The following BEST2 variants were observed in gnomAD, a reference collection of about 807,000 sequenced individuals.
BEST2 encodes the protein bestrophin-2a.
A neutral mutation model predicts 49.0 loss-of-function variants in BEST2; 36 were observed. The ratio of observed to expected loss-of-function variants is 0.73; its 90% confidence interval spans 0.56 to 0.97. BEST2 has a LOEUF of 0.97. BEST2 is among the 50% of genes least tolerant of loss of function. The pLI is 0.00. For missense variants in BEST2, 672 were observed against 710.0 expected, an observed-to-expected ratio of 0.95 and a Z score of 0.61; for synonymous variants, 335 against 304.4, an observed-to-expected ratio of 1.10 and a Z score of -1.05.
chr19:12,758,246 T>C lies in BEST2; in HGVS notation c.*169T>C. The stretch of plus-strand genomic sequence containing the variant: ...GCGCTGTGCTAGGGGCGGGAGTTCT[T>C]CCAGACTCTTGGACCAGCCCGCCCT... On this transcript the variant is annotated 3_prime_UTR_variant, in exon 10 of 10. Transcript: ENST00000553030. The C allele has an allele frequency of 1.2e-6, 1 of 855,674 alleles. No homozygotes were observed. The highest frequency in any genetic ancestry group is 2.7e-5 in the East Asian group (1 of 37,172). The allele number at this position is 855,674 out of a possible 1,614,324, so 53.0% of individuals were successfully genotyped here.
At chr19:12,751,884 G>A (rs971066364) in intron 1 of BEST2, 45 bp downstream of exon 1, 13 of 153,088 alleles carry the variant, frequency 8.5e-5, no homozygotes, top group African/African-American at 2.9e-4. Context: ...CCTGAGGGAA[G>A]AGGGAACCTG....
rs1208905171 is a variant in BEST2, at chr19:12,757,838, G to T, written c.1291G>T (p.Ala431Ser). 1.9e-6 allele frequency: 3 copies of T among 1,549,070 alleles called. No homozygotes were observed. The highest frequency in any genetic ancestry group is 1.7e-6 in the Non-Finnish European group (2 of 1,146,678). ...NSCVSEASTG[A>S]SCSCAVVPEG... is the part of the protein sequence containing the mutation. ...CTGCGTGTCGGAGGCGTCTACTGGGGCCAGCTGCTCATGCGCGGTTGTCCC... is the reference window on the plus strand; with the variant it reads ...CTGCGTGTCGGAGGCGTCTACTGGGTCCAGCTGCTCATGCGCGGTTGTCCC... Residue 431 changes from alanine (A) to serine (S), a missense_variant, in exon 10 of 10, where the codon GCC (alanine) becomes TCC (serine). Transcript: ENST00000553030.
rs1568353094 is a variant in BEST2, at chr19:12,755,840, T to C, written c.868-15T>C. ...GGTTCCCAAGTTTCCACCTAACTGC[T>C]CCCTCTCCTCTCAGGTAGCTGAGCA... On this transcript the variant is annotated splice_polypyrimidine_tract_variant and intron_variant, in intron 7 of 9. Coordinates refer to ENST00000553030, the MANE Select transcript of BEST2 (RefSeq NM_017682.3). The surrounding 1 kb of genome is among the most constrained non-coding windows in gnomAD (Gnocchi z 4.4). The C allele has an allele frequency of 6.2e-7, 1 of 1,614,034 alleles. No homozygotes were observed. The highest frequency in any genetic ancestry group is 1.1e-5 in the South Asian group (1 of 91,080).
rs1967965717 is a variant in BEST2, at chr19:12,757,940, C to G, written c.1393C>G (p.Pro465Ala). 1.3e-6 allele frequency: 2 copies of G among 1,585,664 alleles called. No individual in the cohort carries two copies. Among genetic ancestry groups the G allele is most frequent in the East Asian group, 4.6e-5 (2 of 43,926 alleles). The change falls in exon 10 of 10, where the codon CCT (proline) becomes GCT (alanine). Residue 465 changes from proline (P) to alanine (A), a missense_variant. By Grantham distance (27) the Pro-to-Ala change is conservative. Coordinates refer to ENST00000553030, the MANE Select transcript of BEST2 (RefSeq NM_017682.3). The part of the protein sequence containing the change: ...PGLPEPEAPP[P>A]AGPEPLTLIP... ...CCTGCCGGAGCCCGAGGCCCCGCCC[C>G]CTGCGGGTCCCGAACCGCTTACCCT...
chr19:12,755,366 T>C lies in BEST2; in HGVS notation c.637-13T>C. The stretch of plus-strand genomic sequence containing the variant: ...ACCATTCAGGCCTCCTCATGACCTG[T>C]ATCCACCCCCAGGAGCTGAATGTTT... On this transcript the variant is annotated splice_polypyrimidine_tract_variant and intron_variant, in intron 5 of 9. Transcript: ENST00000553030. This position sits in a 1 kb window ranked among gnomAD's most constrained non-coding sequence, Gnocchi z 4.4. The C allele has an allele frequency of 1.2e-6, 2 of 1,613,926 alleles. No homozygotes were observed. The highest frequency in any genetic ancestry group is 1.7e-6 in the Non-Finnish European group (2 of 1,179,814).
At chr19:12,756,678 T>C in intron 9 of BEST2, 1 of 217,696 alleles carries the variant, frequency 4.6e-6, no homozygotes, top group South Asian at 6.9e-5. Context: ...GAGACCCCCG[T>C]CTCTACTAAA....
rs1217582451 is a variant in BEST2 at position 12,754,690 on chromosome 19, T to TG, written c.387dup (p.Arg130AlafsTer43). 6.3e-7 allele frequency: 1 copy of TG among 1,583,118 alleles called. No homozygotes were observed. Among genetic ancestry groups the TG allele is most frequent in the Middle Eastern group, 1.7e-4 (1 of 5,940 alleles). On this transcript the variant is annotated frameshift_variant, in exon 4 of 10. Coordinates refer to ENST00000553030, the MANE Select transcript of BEST2 (RefSeq NM_017682.3). LOFTEE classifies it high-confidence loss of function. ...GGCCGCCTCTACCGGCGCACACTCA[T>TG]GCGCTACGCAGGGCTCTCGGCCGTG...
At chr19:12,756,454 G>T in intron 9 of BEST2, 159 bp downstream of exon 9, 1 of 1,054,498 alleles carries the variant, frequency 9.5e-7, no homozygotes, top group South Asian at 1.5e-5. Flanking sequence ...GGAGTCAGGG[G>T]ACAAGGTCAA....
At position 12,757,765 on chromosome 19, in the gene BEST2, G is replaced by A. The variant is rs928289660; in HGVS notation, c.1218G>A (p.Ala406=). 5.2e-6 allele frequency: 8 copies of A among 1,544,898 alleles called. No homozygotes were observed. The African/African-American group carries it at 9.6e-5, about 19-fold the overall frequency. Residue 406 remains alanine, a synonymous_variant, in exon 10 of 10, where the codon GCG becomes GCA. Coordinates refer to ENST00000553030, the MANE Select transcript of BEST2 (RefSeq NM_017682.3). ...RLLPAGAGMV[A]GGPLGRRLSF... ...TGCCGGCGGGCGCGGGCATGGTCGC[G>A]GGAGGCCCGCTGGGCCGGCGCCTGT...
At position 12,754,611 on chromosome 19, in the gene BEST2, C is replaced by T. The variant is rs1424155955; in HGVS notation, c.307C>T (p.Pro103Ser). The change falls in exon 4 of 10, where the codon CCC (proline) becomes TCC (serine). Residue 103 changes from proline to serine, a missense_variant. Pro to Ser is a moderately conservative substitution (Grantham distance 74). Transcript: ENST00000553030. The part of the protein sequence containing the change: ...WWSQYLCMPL[P>S]DALMCVVAGT... The stretch of plus-strand genomic sequence containing the variant: ...GAGCCAGTACCTATGCATGCCGCTG[C>T]CCGACGCGCTCATGTGCGTGGTGGC... The T allele has an allele frequency of 1.9e-6, 3 of 1,565,132 alleles. No individual in the cohort carries two copies. Among genetic ancestry groups the T allele is most frequent in the Non-Finnish European group, 2.6e-6 (3 of 1,151,676 alleles).
chr19:12,756,531 C>T, intron 9 of BEST2: 1 of 572,600 alleles, frequency 1.7e-6, no homozygotes, highest in East Asian at 3.1e-5. Context: ...TCAGACCGGT[C>T]AGTGGTGATT....
chr19:12,756,099 G>T (rs749503901), intron 8 of BEST2, 42 bp from the exon 9 acceptor site: 4 of 1,612,588 alleles, frequency 2.5e-6, no homozygotes, highest in Middle Eastern at 1.7e-4. Flanking sequence ...GTCCCGGCGG[G>T]TTGCCCTGCC....
intron 9 of BEST2, 28 bp downstream of exon 9, chr19:12,756,323 C>T (rs1312217060): frequency 6.2e-7 from 1 of 1,609,828 alleles, no homozygotes; most frequent in Non-Finnish European, 8.5e-7. Flanking sequence ...GCAGGGCCGC[C>T]TGGGGCAGGG....
Position 12,757,929 on chromosome 19 carries a change from A to C in BEST2, c.1382A>C (p.Glu461Ala). 2 of 1,572,762 alleles carry C rather than the reference A, an allele frequency of 1.3e-6. No homozygotes were observed. Among genetic ancestry groups the C allele is most frequent in the Non-Finnish European group, 1.7e-6 (2 of 1,161,178 alleles). Residue 461 changes from glutamate (E) to alanine (A), a missense_variant, in exon 10 of 10, where the codon GAG becomes GCG. Glu to Ala is a moderately radical substitution (Grantham distance 107, BLOSUM62 -1). Coordinates refer to ENST00000553030, the MANE Select transcript of BEST2 (RefSeq NM_017682.3). ...CTCGACCCCGGCCTGCCGGAGCCCG[A>C]GGCCCCGCCCCCTGCGGGTCCCGAA... ...PLLDPGLPEP[E>A]APPPAGPEPL...
At position 12,755,097 on chromosome 19, in the gene BEST2, A is replaced by G; in HGVS notation, c.636+66A>G. ...AAATTGTACCCCTGGAGCTGTGTCAACGGCGGCCCTCCAAGCACCCCCACG... is the reference window on the plus strand; with the variant it reads ...AAATTGTACCCCTGGAGCTGTGTCAGCGGCGGCCCTCCAAGCACCCCCACG... On this transcript the variant is annotated intron_variant, in intron 5 of 9. Coordinates refer to ENST00000553030, the MANE Select transcript of BEST2 (RefSeq NM_017682.3). The surrounding 1 kb of genome is among the most constrained non-coding windows in gnomAD (Gnocchi z 4.4). 6.6e-7 allele frequency: 1 copy of G among 1,520,798 alleles called. No homozygotes were observed. The allele number at this position is 1,520,798 out of a possible 1,614,324, so 94.2% of individuals were successfully genotyped here. A position where few individuals can be genotyped will look rare whatever the true frequency, so the allele number is the denominator to read the frequency against.
intron 2 of BEST2, 131 bp from the exon 3 acceptor site, chr19:12,753,129 G>A (rs1967891273): frequency 2.3e-6 from 2 of 876,714 alleles, no homozygotes; most frequent in Admixed American, 4.3e-5. Context: ...GGGATTACAG[G>A]TGTGACCCAT....
At chr19:12,752,807 T>A (rs1967886914) in intron 2 of BEST2, 63 bp downstream of exon 2, 8 of 1,087,000 alleles carry the variant, frequency 7.4e-6, no homozygotes, top group East Asian at 4.1e-5. Context: ...ATATATATAA[T>A]ATATAAAAAT....
rs966435377 is a variant in BEST2, at chr19:12,755,099, G to A, written c.636+68G>A. The A allele has an allele frequency of 5.9e-6, 9 of 1,516,336 alleles. No individual in the cohort carries two copies. The highest frequency in any genetic ancestry group is 1.4e-5 in the African/African-American group (1 of 71,644). The allele number at this position is 1,516,336 out of a possible 1,614,324, so 93.9% of individuals were successfully genotyped here. A position where few individuals can be genotyped will look rare whatever the true frequency, so the allele number is the denominator to read the frequency against. On this transcript the variant is annotated intron_variant, in intron 5 of 9. Coordinates refer to ENST00000553030, the MANE Select transcript of BEST2 (RefSeq NM_017682.3). The surrounding 1 kb of genome is among the most constrained non-coding windows in gnomAD (Gnocchi z 4.4). ...ATTGTACCCCTGGAGCTGTGTCAAC[G>A]GCGGCCCTCCAAGCACCCCCACGAG...
In BEST2 at chr19:12,753,255, C is replaced by T. The variant is rs1461503316; in HGVS notation, c.153-5C>T. 1.1e-5 allele frequency: 17 copies of T among 1,613,956 alleles called. No individual in the cohort carries two copies. Among genetic ancestry groups the T allele is most frequent in the South Asian group, 2.2e-5 (2 of 91,088 alleles). ...GACCTGTGACCCCTCATCTCTATCC[C>T]GCAGCTTTGTGCTGACCGAAGGGCA... On this transcript the variant is annotated splice_polypyrimidine_tract_variant and splice_region_variant and intron_variant, in intron 2 of 9. Transcript: ENST00000553030.
Sources: gnomAD v4.1 joint callset for allele counts on GRCh38, gnomAD v4.1.1 for gene constraint, Gnocchi (gnomAD v3.1) non-coding constraint, MANE v1.5 for transcripts, NCBI Gene and HGNC (gene_info 2026-07-23, HGNC 2026-07-21) for gene names.